ANXA4: variants seen among roughly 807,000 people sequenced by gnomAD.
The protein encoded by ANXA4 is annexin A4, also known as 35-beta calcimedin.
In ANXA4, 39 loss-of-function variants were observed where a neutral mutation model predicts 49.8. The observed-to-expected ratio is 0.78, with a 90% CI of 0.61 to 1.02. The LOEUF (loss-of-function observed/expected upper bound fraction) is 1.02, where lower values mean the gene tolerates loss of function less well. Ranked by LOEUF, ANXA4 falls within the 50% of genes least tolerant of loss-of-function variation. The probability of loss-of-function intolerance (pLI) is 0.00; values close to 1 mark genes in which losing one functional copy is unlikely to be tolerated. For missense variants in ANXA4, 360 were observed against 410.1 expected (o/e 0.88, Z 1.05); for synonymous variants, 134 against 152.5 (o/e 0.88, Z 0.89).
intron 7 of ANXA4, chr2:69,811,319 T>C (rs1222580375): frequency 6.5e-6 from 1 of 152,876 alleles, no homozygotes; most frequent in African/African-American, 2.4e-5. Context: ...TTTACACTTA[T>C]TTATTTGGGA....
intron 3 of ANXA4, among the ~76,000 whole-genome samples, chr2:69,803,745 T>A (rs1293838097): frequency 6.6e-6 from 1 of 151,990 alleles, no homozygotes; most frequent in Non-Finnish European, 1.5e-5. Flanking sequence ...AAGTTTGAAT[T>A]GTTTCAAAAC....
chr2:69,658,079 G>A (rs1039400875), intron 2 of ANXA4, among the ~76,000 whole-genome samples: 3 of 151,618 alleles, frequency 2.0e-5, no homozygotes, highest in Non-Finnish European at 4.4e-5. Flanking sequence ...TAACTTGAAC[G>A]ATCCTCTTTA....
chr2:69,679,837 G>T (rs879751576), intron 2 of ANXA4, among the ~76,000 whole-genome samples: 1 of 152,130 alleles, frequency 6.6e-6, no homozygotes, highest in Admixed American at 6.6e-5. Flanking sequence ...TTTACTTCCG[G>T]ATTCTGTGTT....
chr2:69,689,657 C>T (rs913638459), intron 2 of ANXA4, among the ~76,000 whole-genome samples: 1 of 152,118 alleles, frequency 6.6e-6, no homozygotes, highest in African/African-American at 2.4e-5. Flanking sequence ...AAATTAAAGT[C>T]ACTTGAAGTA....
chr2:69,715,459 C>T (rs1179680416), intron 2 of ANXA4, among the ~76,000 whole-genome samples: 27 of 152,288 alleles, frequency 1.8e-4, no homozygotes, highest in African/African-American at 5.8e-4. Context: ...CCTCCCACCT[C>T]GGCCTCCCAA....
At chr2:69,772,882 T>G (rs1246235542) in intron 1 of ANXA4, among the ~76,000 whole-genome samples, 1 of 151,990 alleles carries the variant, frequency 6.6e-6, no homozygotes, top group Non-Finnish European at 1.5e-5. Context: ...CTGGGCATGG[T>G]GGCAGGCGTC....
intron 2 of ANXA4, among the ~76,000 whole-genome samples, chr2:69,699,985 T>G (rs1678278267): frequency 6.6e-6 from 1 of 152,164 alleles, no homozygotes; most frequent in Non-Finnish European, 1.5e-5. Context: ...CACAGGCAGT[T>G]AAGTTAGTCA....
chr2:69,790,288 C>T (rs185941614), intron 3 of ANXA4, among the ~76,000 whole-genome samples: 6 of 152,114 alleles, frequency 3.9e-5, no homozygotes, highest in Admixed American at 3.3e-4. Flanking sequence ...AACTGGGTGA[C>T]GATTTCTTCT....
intron 3 of ANXA4, among the ~76,000 whole-genome samples, chr2:69,722,157 C>A (rs565067985): frequency 6.6e-6 from 1 of 152,276 alleles, no homozygotes; most frequent in East Asian, 1.9e-4. Context: ...CACACCCATT[C>A]CTACTGTGTA....
chr2:69,705,600 A>C (rs1678468545), intron 2 of ANXA4, among the ~76,000 whole-genome samples: 1 of 152,226 alleles, frequency 6.6e-6, no homozygotes, highest in Non-Finnish European at 1.5e-5. Flanking sequence ...ACATATTAAC[A>C]CTTTCGATTT....
chr2:69,655,260 A>T (rs1676392235), intron 2 of ANXA4, among the ~76,000 whole-genome samples: 1 of 152,156 alleles, frequency 6.6e-6, no homozygotes, highest in South Asian at 2.1e-4. Flanking sequence ...ATGGGAGAAA[A>T]TTTTTGCAAT....
At chr2:69,685,110 G>A (rs926880162) in intron 2 of ANXA4, among the ~76,000 whole-genome samples, 3 of 152,116 alleles carry the variant, frequency 2.0e-5, no homozygotes, top group Non-Finnish European at 4.4e-5. Context: ...AGAAAGCAGA[G>A]CCAGAAAAAA....
intron 1 of ANXA4, among the ~76,000 whole-genome samples, chr2:69,650,484 T>TG (rs1203187789): frequency 6.6e-6 from 1 of 152,102 alleles, no homozygotes; most frequent in African/African-American, 2.4e-5. Flanking sequence ...GTATCCTTTT[T>TG]TTTTTCTTTG....
intron 1 of ANXA4, among the ~76,000 whole-genome samples, chr2:69,651,660 G>A (rs1676240672): frequency 6.6e-6 from 1 of 151,570 alleles, no homozygotes; most frequent in Admixed American, 6.6e-5. Flanking sequence ...CCACCACCAC[G>A]CCCAGCTAAT....
chr2:69,651,978 C>T (rs1013911505), intron 1 of ANXA4, among the ~76,000 whole-genome samples: 2 of 151,350 alleles, frequency 1.3e-5, no homozygotes, highest in Admixed American at 6.6e-5. Context: ...ATATTCTCGG[C>T]CTTTTTATTG....
At chr2:69,790,137 T>C (rs1028067951) in intron 3 of ANXA4, among the ~76,000 whole-genome samples, 16 of 152,106 alleles carry the variant, frequency 1.1e-4, no homozygotes, top group African/African-American at 3.9e-4. Context: ...AAGGGAGCTA[T>C]TTTTGAGCTG....
In ANXA4 at chr2:69,820,696, T is replaced by G. The variant is rs878937460; in HGVS notation, c.784-3T>G. ...TATGTTTGGATTTCGTTTTCTTCCT[T>G]AGGGCTTGGGCACCGATGATAACAC... On this transcript the variant is annotated splice_polypyrimidine_tract_variant and splice_region_variant and intron_variant, in intron 11 of 12. Transcript: ENST00000394295. 10 of 1,613,522 alleles carry G rather than the reference T, an allele frequency of 6.2e-6. No individual in the cohort carries two copies. The highest frequency in any genetic ancestry group is 7.6e-6 in the Non-Finnish European group (9 of 1,179,848).
rs111828117 is a variant in ANXA4 at position 69,780,471 on chromosome 2, C to G, written c.-46-1049C>G. On this transcript the variant is annotated intron_variant, in intron 1 of 12. Transcript: ENST00000394295. ...TCAGCCTCCTAAAGTGCTGGGATTACAGGCGTGAGCCACCACGCCCAGCCA... is the reference window on the plus strand; with the variant it reads ...TCAGCCTCCTAAAGTGCTGGGATTAGAGGCGTGAGCCACCACGCCCAGCCA... 3.5e-3 allele frequency among the ~76,000 whole-genome samples: 527 copies of G among 152,348 alleles called. 5 individuals carry two copies. The highest frequency in any genetic ancestry group is 0.024 in the Middle Eastern group (7 of 294).
intron 1 of ANXA4, among the ~76,000 whole-genome samples, chr2:69,759,129 C>CACAA (rs1491436165): frequency 1.7e-5 from 2 of 118,848 alleles, no homozygotes; most frequent in African/African-American, 6.0e-5. Flanking sequence ...GACTCTGTCT[C>CACAA]AAAAAAAAAA....
Sources: allele counts gnomAD v4.1 joint callset (sites outside exome capture counted in the v4.1 genomes callset), GRCh38; gene constraint gnomAD v4.1.1; transcripts MANE v1.5; gene names NCBI Gene and HGNC (gene_info 2026-07-23, HGNC 2026-07-21).